Variants in NMU observed in about 807,000 individuals in gnomAD.
The protein encoded by NMU is neuromedin U.
A neutral mutation model predicts 35.4 loss-of-function variants in NMU; 29 were observed. That is an observed-to-expected ratio of 0.82 (90% confidence interval 0.61 to 1.12). The LOEUF is 1.12. Ranked by LOEUF, NMU falls within the 50% of genes most tolerant of loss-of-function variation. The pLI is 0.00. For missense variants in NMU, 199 were observed against 206.2 expected (o/e 0.97, Z 0.21); for synonymous variants, 78 against 81.3 (o/e 0.96, Z 0.22).
Position 55,636,146 on chromosome 4 carries a change from A to T in NMU, c.47T>A (p.Val16Glu). The T allele has an allele frequency of 6.6e-7, 1 of 1,518,128 alleles. No individual in the cohort carries two copies. Among genetic ancestry groups the T allele is most frequent in the Non-Finnish European group, 8.8e-7 (1 of 1,139,952 alleles). The allele number at this position is 1,518,128 out of a possible 1,614,324, so 94.0% of individuals were successfully genotyped here. Residue 16 changes from valine (V) to glutamate (E), a missense_variant, in exon 1 of 10, where the codon GTG becomes GAG. Transcript: ENST00000264218. This position sits in a 1 kb window ranked among gnomAD's most constrained non-coding sequence, Gnocchi z 4.0. The stretch of plus-strand genomic sequence containing the variant: ...CAGCAGGAGCGGGGACGCCGCGGCC[A>T]CCTGTCCGGCGGGCGACCTGGGGCG... ...SCRPRSPAGQVAAASPLLLLL... is the reference protein window; with the variant it reads ...SCRPRSPAGQEAAASPLLLLL...
Position 55,630,668 on chromosome 4 carries a change from A to G in NMU, c.113-208T>C, listed in dbSNP as rs112658901. Among the ~76,000 whole-genome samples the G allele has an allele frequency of 1.2e-4, 19 of 152,282 alleles. 1 individual carries two copies. Among genetic ancestry groups the G allele is most frequent in the African/African-American group, 4.6e-4 (19 of 41,572 alleles). On this transcript the variant is annotated intron_variant, in intron 1 of 9. Coordinates refer to ENST00000264218, the MANE Select transcript of NMU (RefSeq NM_006681.4). ...CATTACGAAGATATTACTCTCAAGA[A>G]CGAATTACTTATGTCTACAGACAAA...
At chr4:55,625,282 T>C (rs1734481704) in intron 2 of NMU, among the ~76,000 whole-genome samples, 1 of 152,102 alleles carries the variant, frequency 6.6e-6, no homozygotes, top group Non-Finnish European at 1.5e-5. Context: ...TACTTTTTTT[T>C]TGCAAGTCTG....
intron 8 of NMU, 87 bp from the exon 9 acceptor site, chr4:55,599,268 G>T: frequency 9.6e-7 from 1 of 1,045,282 alleles, no homozygotes; most frequent in Non-Finnish European, 1.5e-6. Context: ...TTAGAGGAGT[G>T]TTTAACGTGC....
chr4:55,618,691 TTC>T (rs1294077967), intron 2 of NMU, among the ~76,000 whole-genome samples: 1 of 74,696 alleles, frequency 1.3e-5, no homozygotes, highest in African/African-American at 3.9e-5. Flanking sequence ...TCTCTCTTTC[TTC>T]TCTCTCTTCT....
intron 7 of NMU, among the ~76,000 whole-genome samples, chr4:55,603,908 T>C (rs1473001567): frequency 1.3e-4 from 3 of 23,584 alleles, no homozygotes; most frequent in African/African-American, 2.6e-4. Flanking sequence ...CAAGAGTCCG[T>C]CTCAAAAAAA....
At chr4:55,608,652 C>T (rs562158903) in intron 4 of NMU, among the ~76,000 whole-genome samples, 1 of 151,808 alleles carries the variant, frequency 6.6e-6, no homozygotes, top group African/African-American at 2.4e-5. Flanking sequence ...AAAGTTCTCC[C>T]AGAAGAATCA....
At chr4:55,604,679 ATTT>A (rs767568542) in intron 7 of NMU, among the ~76,000 whole-genome samples, 9 of 47,610 alleles carry the variant, frequency 1.9e-4, no homozygotes, top group African/African-American at 3.5e-4. Flanking sequence ...TGCCTGGCTA[ATTT>A]TTTTTTTTTT....
intron 1 of NMU, among the ~76,000 whole-genome samples, chr4:55,633,173 A>G (rs1345849243): frequency 2.6e-5 from 4 of 151,852 alleles, no homozygotes; most frequent in African/African-American, 9.7e-5. Context: ...AAATACAAAA[A>G]AATTAGCCGG....
chr4:55,633,797 A>G (rs955139448), intron 1 of NMU, among the ~76,000 whole-genome samples: 9 of 152,236 alleles, frequency 5.9e-5, no homozygotes, highest in African/African-American at 1.4e-4. Flanking sequence ...GAATTATTCT[A>G]TGAGCAAGAG....
In NMU at chr4:55,636,164, C is replaced by T. The variant is rs560231307; in HGVS notation, c.29G>A (p.Arg10Lys). Residue 10 changes from arginine to lysine, a missense_variant, in exon 1 of 10, where the codon AGG (arginine) becomes AAG (lysine). By Grantham distance (26) the Arg-to-Lys change is conservative (BLOSUM62 2). Transcript: ENST00000264218. The surrounding 1 kb of genome is among the most constrained non-coding windows in gnomAD (Gnocchi z 4.0). ...CGCGGCCACCTGTCCGGCGGGCGAC[C>T]TGGGGCGGCAGCTCTCTGTTCGCAG... MLRTESCRP[R>K]SPAGQVAAAS... 7.1e-4 allele frequency: 1,076 copies of T among 1,512,006 alleles called. 9 individuals carry two copies. The highest frequency in any genetic ancestry group is 6.5e-3 in the Middle Eastern group (29 of 4,458). 93.7% of individuals were successfully genotyped at this position (1,512,006 alleles called of 1,614,324 possible).
intron 2 of NMU, among the ~76,000 whole-genome samples, chr4:55,616,779 A>AT (rs1734122320): frequency 6.6e-6 from 1 of 152,230 alleles, no homozygotes. Flanking sequence ...CATGAACCTA[A>AT]TGTCACCTAA....
rs958060720 is a variant in NMU at position 55,636,049 on chromosome 4, C to T, written c.112+32G>A. Reference sequence around the variant, plus strand: ...TGGAGCCAGAGAGAGGCGCGCATGGCGTGGAAGCGGCCGGGTGCGGGGCCG... The same window carrying T: ...TGGAGCCAGAGAGAGGCGCGCATGGTGTGGAAGCGGCCGGGTGCGGGGCCG... On this transcript the variant is annotated intron_variant, in intron 1 of 9. Transcript: ENST00000264218. This position sits in a 1 kb window ranked among gnomAD's most constrained non-coding sequence, Gnocchi z 4.0. 1.0e-5 allele frequency: 16 copies of T among 1,532,202 alleles called. No homozygotes were observed. The highest frequency in any genetic ancestry group is 1.4e-5 in the African/African-American group (1 of 72,550). The allele number at this position is 1,532,202 out of a possible 1,614,324, so 94.9% of individuals were successfully genotyped here.
intron 1 of NMU, among the ~76,000 whole-genome samples, chr4:55,632,447 T>C (rs1204215464): frequency 6.6e-6 from 1 of 152,208 alleles, no homozygotes; most frequent in Non-Finnish European, 1.5e-5. Flanking sequence ...ATGCAGTCCA[T>C]AAAAGAGTTG....
At position 55,636,130 on chromosome 4, in the gene NMU, C is replaced by G; in HGVS notation, c.63G>C (p.Pro21=). The G allele has an allele frequency of 6.6e-7, 1 of 1,525,226 alleles. No homozygotes were observed. Among genetic ancestry groups the G allele is most frequent in the Non-Finnish European group, 8.8e-7 (1 of 1,142,410 alleles). The allele number at this position is 1,525,226 out of a possible 1,614,324, so 94.5% of individuals were successfully genotyped here. The change falls in exon 1 of 10, where the codon CCG becomes CCC. Residue 21 remains proline (P), a synonymous_variant. Transcript: ENST00000264218. This position sits in a 1 kb window ranked among gnomAD's most constrained non-coding sequence, Gnocchi z 4.0. ...SPAGQVAAAS[P]LLLLLLLLAW... ...CGAGCAGCAGCAGCAGCAGCAGGAG[C>G]GGGGACGCCGCGGCCACCTGTCCGG...
intron 2 of NMU, among the ~76,000 whole-genome samples, chr4:55,625,769 A>T (rs1181384726): frequency 6.6e-6 from 1 of 151,096 alleles, no homozygotes. Flanking sequence ...GTGTGCATGT[A>T]TATTTCCTCA....
At chr4:55,595,643 A>ATATAT (rs1258986050) in intron 9 of NMU, among the ~76,000 whole-genome samples, 27 of 66,376 alleles carry the variant, frequency 4.1e-4, no homozygotes, top group African/African-American at 1.4e-3. Flanking sequence ...ATATATATAT[A>ATATAT]TTTTTTTTTT....
chr4:55,607,297 C>T lies in NMU; in HGVS notation c.360+1G>A. On this transcript the variant is annotated splice_donor_variant, in intron 6 of 9. Coordinates refer to ENST00000264218, the MANE Select transcript of NMU (RefSeq NM_006681.4). LOFTEE classifies it high-confidence loss of function. ...TACTAAGAAGTAGTTCTACAACTTA[C>T]CACAACATTTGACTTGCCCAACTTC... is the stretch of plus-strand genomic sequence containing the variant. The T allele has an allele frequency of 1.9e-6, 3 of 1,599,304 alleles. No individual in the cohort carries two copies. Among genetic ancestry groups the T allele is most frequent in the Non-Finnish European group, 2.6e-6 (3 of 1,167,066 alleles).
chr4:55,605,826 C>A lies in NMU; in HGVS notation c.361-477G>T, dbSNP rs142570956. 4.4e-4 allele frequency among the ~76,000 whole-genome samples: 67 copies of A among 152,228 alleles called. 1 individual carries two copies. Among genetic ancestry groups the A allele is most frequent in the Middle Eastern group, 6.8e-3 (2 of 294 alleles). On this transcript the variant is annotated intron_variant, in intron 6 of 9. Coordinates refer to ENST00000264218, the MANE Select transcript of NMU (RefSeq NM_006681.4). ...ATAAATTATATACTTAAAACGGAAA[C>A]GTTGGGAGCAAGACAACAATGTGTG...
intron 3 of NMU, among the ~76,000 whole-genome samples, chr4:55,614,240 C>T (rs1734034445): frequency 6.6e-6 from 1 of 152,080 alleles, no homozygotes; most frequent in Non-Finnish European, 1.5e-5. Context: ...ACTCCCCTTC[C>T]ACATAACCAT....
Sources: gnomAD v4.1 joint callset for allele counts (sites outside exome capture counted in the v4.1 genomes callset) on GRCh38, gnomAD v4.1.1 for gene constraint, Gnocchi (gnomAD v3.1) non-coding constraint, MANE v1.5 for transcripts, NCBI Gene and HGNC (gene_info 2026-07-23, HGNC 2026-07-21) for gene names.